CRPPA: variants seen among roughly 807,000 people sequenced by gnomAD.
CRPPA encodes the protein D-ribitol-5-phosphate cytidylyltransferase.
Under a neutral mutation model 52.0 loss-of-function variants are expected in CRPPA, and 43 were observed. The observed-to-expected ratio is 0.83, with a 90% CI of 0.65 to 1.07. CRPPA has a LOEUF of 1.07. Ranked by LOEUF, CRPPA falls within the 50% of genes least tolerant of loss-of-function variation. The pLI, the probability that CRPPA is intolerant of heterozygous loss-of-function variation, is 0.00. For missense variants in CRPPA, 629 were observed against 551.7 expected, an observed-to-expected ratio of 1.14 and a Z score of -1.40; for synonymous variants, 250 against 203.5, an observed-to-expected ratio of 1.23 and a Z score of -1.94.
chr7:16,222,714 T>C (rs1236493400), intron 8 of CRPPA, among the ~76,000 whole-genome samples: 1 of 152,172 alleles, frequency 6.6e-6, no homozygotes, highest in African/African-American at 2.4e-5. Context: ...ATATAATTAT[T>C]TCTTAAACTA....
chr7:16,269,568 C>T (rs1784041970), intron 6 of CRPPA: 1 of 152,122 alleles, frequency 6.6e-6, no homozygotes, highest in Non-Finnish European at 1.5e-5. Flanking sequence ...TTAAGGTATA[C>T]AGTGCCAACG....
At chr7:16,120,554 T>C (rs982012206) in intron 9 of CRPPA, among the ~76,000 whole-genome samples, 8 of 152,162 alleles carry the variant, frequency 5.3e-5, no homozygotes, top group East Asian at 1.9e-4. Flanking sequence ...CAAAGAATGA[T>C]AGAAAAAGCT....
At chr7:16,394,917 G>C (rs964807256) in intron 2 of CRPPA, among the ~76,000 whole-genome samples, 2 of 152,158 alleles carry the variant, frequency 1.3e-5, no homozygotes, top group Non-Finnish European at 2.9e-5. Context: ...AAATGCTCAC[G>C]TTAAAAGGCA....
chr7:16,174,282 T>C (rs1450706384), intron 9 of CRPPA, among the ~76,000 whole-genome samples: 1 of 152,158 alleles, frequency 6.6e-6, no homozygotes, highest in South Asian at 2.1e-4. Flanking sequence ...GGTTCAGGAT[T>C]GCCAGTCTTC....
At chr7:16,409,588 A>G (rs1462784758) in intron 1 of CRPPA, among the ~76,000 whole-genome samples, 9 of 152,248 alleles carry the variant, frequency 5.9e-5, no homozygotes, top group African/African-American at 2.2e-4. Context: ...TGAGTCAGGA[A>G]GAAAAAGTGG....
At chr7:16,342,763 CAAAAAAAA>C (rs368521163) in intron 3 of CRPPA, among the ~76,000 whole-genome samples, 1,461 of 64,916 alleles carry the variant, frequency 0.023, 81 homozygotes, top group South Asian at 0.15. Context: ...CCTGTCTCCA[CAAAAAAAA>C]AAAAAAAAAA....
At chr7:16,213,085 G>T (rs2128397037) in intron 9 of CRPPA, among the ~76,000 whole-genome samples, 1 of 152,202 alleles carries the variant, frequency 6.6e-6, no homozygotes, top group South Asian at 2.1e-4. Context: ...TCATTATAGA[G>T]GTATTTTCAC....
At chr7:16,265,324 T>A (rs1783925309) in intron 6 of CRPPA, among the ~76,000 whole-genome samples, 1 of 152,194 alleles carries the variant, frequency 6.6e-6, no homozygotes, top group African/African-American at 2.4e-5. Flanking sequence ...TAACCAAGGT[T>A]CTGAGACATT....
At chr7:16,348,355 G>C (rs997182743) in intron 3 of CRPPA, among the ~76,000 whole-genome samples, 2 of 152,108 alleles carry the variant, frequency 1.3e-5, no homozygotes, top group East Asian at 3.9e-4. Context: ...AATTTTATAC[G>C]AGCAAACAAG....
intron 3 of CRPPA, among the ~76,000 whole-genome samples, chr7:16,342,342 T>C (rs1785868004): frequency 6.6e-6 from 1 of 152,106 alleles, no homozygotes. Context: ...ATATTTCATT[T>C]GAGAAAATGA....
At chr7:16,400,807 C>T (rs1241264433) in intron 2 of CRPPA, among the ~76,000 whole-genome samples, 2 of 152,204 alleles carry the variant, frequency 1.3e-5, no homozygotes, top group South Asian at 2.1e-4. Flanking sequence ...CCAACACATG[C>T]CTGACACGTG....
At chr7:16,285,774 G>A (rs2128419467) in intron 5 of CRPPA, among the ~76,000 whole-genome samples, 1 of 151,476 alleles carries the variant, frequency 6.6e-6, no homozygotes, top group Non-Finnish European at 1.5e-5. Flanking sequence ...TGTAATCCCA[G>A]CACTTTGGGA....
chr7:16,347,407 G>C (rs370241465), intron 3 of CRPPA, among the ~76,000 whole-genome samples: 28 of 152,250 alleles, frequency 1.8e-4, no homozygotes, highest in African/African-American at 6.7e-4. Context: ...CCAAGGACTT[G>C]TGTTATCAGT....
chr7:16,336,182 T>G (rs1785674395), intron 3 of CRPPA, among the ~76,000 whole-genome samples: 1 of 152,138 alleles, frequency 6.6e-6, no homozygotes, highest in African/African-American at 2.4e-5. Context: ...ATCTCAATGG[T>G]GTAGATAGTA....
intron 3 of CRPPA, among the ~76,000 whole-genome samples, chr7:16,375,349 ATC>A (rs1562662280): frequency 6.6e-6 from 1 of 152,220 alleles, no homozygotes; most frequent in Non-Finnish European, 1.5e-5. Context: ...CAAGCTCAAT[ATC>A]TGATATTCAA....
chr7:16,226,160 T>G (rs1583446465), intron 8 of CRPPA, among the ~76,000 whole-genome samples: 1 of 151,896 alleles, frequency 6.6e-6, no homozygotes, highest in African/African-American at 2.4e-5. Context: ...TTAGGTTTCT[T>G]TGAGCCCAGG....
chr7:16,312,591 C>T (rs1785057642), intron 3 of CRPPA, among the ~76,000 whole-genome samples: 1 of 151,902 alleles, frequency 6.6e-6, no homozygotes, highest in Non-Finnish European at 1.5e-5. Flanking sequence ...AGTTCATTTC[C>T]TTCTCTTATT....
At chr7:16,140,559 C>A (rs1782850498) in intron 9 of CRPPA, among the ~76,000 whole-genome samples, 1 of 152,178 alleles carries the variant, frequency 6.6e-6, no homozygotes, top group African/African-American at 2.4e-5. Context: ...AAAGTTGAAT[C>A]AACAGAAGCC....
chr7:16,373,674 C>T (rs1344811789), intron 3 of CRPPA, among the ~76,000 whole-genome samples: 3 of 152,276 alleles, frequency 2.0e-5, no homozygotes, highest in Non-Finnish European at 2.9e-5. Flanking sequence ...ATGATAATTA[C>T]AGGATAACTA....
Sources: allele counts gnomAD v4.1 joint callset (sites outside exome capture counted in the v4.1 genomes callset), GRCh38; gene constraint gnomAD v4.1.1; transcripts MANE v1.5; gene names NCBI Gene and HGNC (gene_info 2026-07-23, HGNC 2026-07-21).